The following DHX32 variants were observed in gnomAD, a reference collection of about 807,000 sequenced individuals.
DHX32 encodes the protein putative pre-mRNA-splicing factor ATP-dependent RNA helicase DHX32.
Under a neutral mutation model 70.0 loss-of-function variants are expected in DHX32, and 51 were observed. That is an observed-to-expected ratio of 0.73 (90% confidence interval 0.58 to 0.92). DHX32 has a LOEUF of 0.92. DHX32 is among the 40% of genes least tolerant of loss of function. DHX32 has a pLI of 0.00. For missense variants in DHX32, 762 were observed against 891.8 expected, an observed-to-expected ratio of 0.85 and a Z score of 1.85; for synonymous variants, 310 against 315.3, an observed-to-expected ratio of 0.98 and a Z score of 0.18.
At position 125,841,773 on chromosome 10, in the gene DHX32, C is replaced by T; in HGVS notation, c.1513G>A (p.Glu505Lys). 1 of 1,611,434 alleles carries T rather than the reference C, an allele frequency of 6.2e-7. No homozygotes were observed. The highest frequency in any genetic ancestry group is 8.5e-7 in the Non-Finnish European group (1 of 1,179,438). The change falls in exon 7 of 11, where the codon GAA (glutamate) becomes AAA (lysine). Residue 505 changes from glutamate to lysine, a missense_variant. Coordinates refer to ENST00000284690, the MANE Select transcript of DHX32 (RefSeq NM_018180.3). ...ACCATGGCTGCGATTGTTAGCACTT[C>T]ATCTACACAGTCAAATTCACAGGAC... ...LASCEFDCVD[E>K]VLTIAAMVTA...
At chr10:125,888,838 T>A (rs1944354257) in intron 1 of DHX32, among the ~76,000 whole-genome samples, 1 of 152,304 alleles carries the variant, frequency 6.6e-6, no homozygotes, top group Admixed American at 6.5e-5. Context: ...GGCGGGTGGA[T>A]CACTTGAGGT....
At chr10:125,875,321 G>GA (rs1025559871) in intron 1 of DHX32, among the ~76,000 whole-genome samples, 22 of 148,666 alleles carry the variant, frequency 1.5e-4, no homozygotes, top group African/African-American at 3.7e-4. Context: ...GACTCCTGGA[G>GA]AAAAAAAAAA....
chr10:125,886,898 A>C (rs1944343670), intron 1 of DHX32, among the ~76,000 whole-genome samples: 1 of 152,292 alleles, frequency 6.6e-6, no homozygotes, highest in East Asian at 1.9e-4. Context: ...ATCAAGTATG[A>C]GGGGACTCTT....
intron 2 of DHX32, among the ~76,000 whole-genome samples, chr10:125,860,445 C>T (rs1944179421): frequency 6.6e-6 from 1 of 152,104 alleles, no homozygotes; most frequent in African/African-American, 2.4e-5. Context: ...TCCTGCTAGC[C>T]CACTGTTAGG....
At position 125,890,467 on chromosome 10, in the gene DHX32, A is replaced by G. The variant is rs543594431; in HGVS notation, c.-248+5751T>C. On this transcript the variant is annotated intron_variant, in intron 1 of 2. Transcript: ENST00000415732. ...ATTCAAAATCTATTTTAAAATCCTT[A>G]TTTCTAGACTTGTAACGAGTTGATT... The G allele has an allele frequency of 1.4e-3, 206 of 152,342 alleles. 2 individuals carry two copies. The highest frequency in any genetic ancestry group is 4.8e-3 in the African/African-American group (199 of 41,592). 9.4% of individuals were successfully genotyped at this position (152,342 alleles called of 1,614,324 possible). A position where few individuals can be genotyped will look rare whatever the true frequency, so the allele number is the denominator to read the frequency against.
At chr10:125,891,789 C>G (rs1431350203) in intron 1 of DHX32, among the ~76,000 whole-genome samples, 25 of 152,422 alleles carry the variant, frequency 1.6e-4, no homozygotes, top group African/African-American at 6.0e-4. Flanking sequence ...TTAATCCTCC[C>G]AGATTTTCAG....
intron 6 of DHX32, among the ~76,000 whole-genome samples, chr10:125,850,223 C>T (rs940641258): frequency 6.6e-6 from 1 of 151,984 alleles, no homozygotes; most frequent in Admixed American, 6.6e-5. Context: ...AGCAGTTCTC[C>T]CACCTCAGCC....
chr10:125,888,015 CT>C (rs1373483438), intron 1 of DHX32, among the ~76,000 whole-genome samples: 3 of 152,052 alleles, frequency 2.0e-5, no homozygotes, highest in Non-Finnish European at 2.9e-5. Context: ...CCTTTTTTCC[CT>C]AAGCCCACTC....
Position 125,867,022 on chromosome 10 carries a change from G to A in DHX32, c.444C>T (p.Phe148=), listed in dbSNP as rs1162636732. 5.0e-6 allele frequency: 8 copies of A among 1,614,136 alleles called. No individual in the cohort carries two copies. Among genetic ancestry groups the A allele is most frequent in the African/African-American group, 1.3e-5 (1 of 75,062 alleles). The part of the protein sequence containing the change: ...IGHEVGYVIP[F]ENCCTNETIL... ...TTGTTTCGTTGGTACAGCAGTTCTC[G>A]AAAGGGATCACGTAGCCAACCTCAT... is the stretch of plus-strand genomic sequence containing the variant. The change falls in exon 2 of 11, where the codon TTC becomes TTT. Residue 148 remains phenylalanine, a synonymous_variant. Coordinates refer to ENST00000284690, the MANE Select transcript of DHX32 (RefSeq NM_018180.3).
intron 3 of DHX32, 162 bp from the exon 4 acceptor site, chr10:125,854,365 C>T: frequency 1.8e-6 from 1 of 541,584 alleles, no homozygotes; most frequent in Non-Finnish European, 2.9e-6. Flanking sequence ...AGTAAAGATG[C>T]ACCTAAATGA....
In DHX32 at chr10:125,861,978, C is replaced by T. The variant is rs142323376; in HGVS notation, c.477-2003G>A. Among the ~76,000 whole-genome samples, 485 of 151,614 alleles carry T rather than the reference C, an allele frequency of 3.2e-3. 1 individual carries two copies. Among genetic ancestry groups the T allele is most frequent in the African/African-American group, 0.011 (465 of 41,332 alleles). Reference sequence around the variant, plus strand: ...ACATCTATTAAGCACCTAGTGTGAGCCAGTCACTAAGCTGGTGTATATGTT... The same window carrying T: ...ACATCTATTAAGCACCTAGTGTGAGTCAGTCACTAAGCTGGTGTATATGTT... On this transcript the variant is annotated intron_variant, in intron 2 of 10. Transcript: ENST00000284690.
chr10:125,893,676 C>T (rs1944384999), intron 1 of DHX32, among the ~76,000 whole-genome samples: 1 of 152,118 alleles, frequency 6.6e-6, no homozygotes, highest in Admixed American at 6.5e-5. Context: ...TGATTGTTTT[C>T]CACCTTTGAC....
In DHX32 at chr10:125,838,404, T is replaced by G; in HGVS notation, c.1882-17A>C. On this transcript the variant is annotated splice_polypyrimidine_tract_variant and intron_variant, in intron 9 of 10. Transcript: ENST00000284690. ...CCGAGCAATCTGAAAGGCAGAATTT[T>G]AAAGAAAAAAGATTTTGTATTAATA... 6.5e-7 allele frequency: 1 copy of G among 1,547,688 alleles called. No homozygotes were observed. The highest frequency in any genetic ancestry group is 1.2e-5 in the South Asian group (1 of 80,372).
chr10:125,853,301 C>T (rs1944115948), intron 4 of DHX32: 3 of 976,268 alleles, frequency 3.1e-6, no homozygotes, highest in Non-Finnish European at 4.4e-6. Flanking sequence ...CATCTCGGCA[C>T]CTAGTAATGG....
intron 2 of DHX32, 27 bp from the exon 3 acceptor site, chr10:125,860,002 A>C: frequency 6.6e-7 from 1 of 1,504,906 alleles, no homozygotes; most frequent in Non-Finnish European, 8.9e-7. Flanking sequence ...TTAAAGTTAG[A>C]ATATTCTTAT....
At chr10:125,875,685 G>C (rs1944279961) in intron 1 of DHX32, among the ~76,000 whole-genome samples, 1 of 152,174 alleles carries the variant, frequency 6.6e-6, no homozygotes, top group Non-Finnish European at 1.5e-5. Flanking sequence ...AACACTAGTG[G>C]ATGAATGTGA....
Position 125,858,405 on chromosome 10 carries a change from C to G in DHX32, c.849+1198G>C, listed in dbSNP as rs144007225. Among the ~76,000 whole-genome samples, 31 of 152,226 alleles carry G rather than the reference C, an allele frequency of 2.0e-4. 1 individual carries two copies. The highest frequency in any genetic ancestry group is 7.2e-4 in the African/African-American group (30 of 41,514). ...GATGAGATGATAACAGAATAAATCA[C>G]TGTAATAGGCAGATTTGCTATTCAA... On this transcript the variant is annotated intron_variant, in intron 3 of 10. Coordinates refer to ENST00000284690, the MANE Select transcript of DHX32 (RefSeq NM_018180.3).
chr10:125,847,781 A>C (rs559212340), intron 6 of DHX32, among the ~76,000 whole-genome samples: 44 of 152,286 alleles, frequency 2.9e-4, no homozygotes, highest in African/African-American at 1.0e-3. Context: ...GATGGGAGAC[A>C]GTGACAGATC....
upstream of DHX32, among the ~76,000 whole-genome samples, chr10:125,885,787 C>A (rs1286460045): frequency 6.6e-6 from 1 of 152,146 alleles, no homozygotes; most frequent in Non-Finnish European, 1.5e-5. Context: ...TCAAGTGCCC[C>A]ATAACCTCTA....
Sources: allele counts gnomAD v4.1 joint callset (sites outside exome capture counted in the v4.1 genomes callset), GRCh38; gene constraint gnomAD v4.1.1; transcripts MANE v1.5; gene names NCBI Gene and HGNC (gene_info 2026-07-23, HGNC 2026-07-21).